The following CCSER1 variants were observed in gnomAD, a reference collection of about 807,000 sequenced individuals.
CCSER1 encodes serine-rich coiled-coil domain-containing protein 1.
Under a neutral mutation model 82.0 loss-of-function variants are expected in CCSER1, and 41 were observed. The observed-to-expected ratio is 0.50, with a 90% CI of 0.39 to 0.65. The LOEUF (loss-of-function observed/expected upper bound fraction) is 0.65, where lower values mean the gene tolerates loss of function less well. CCSER1 is among the 30% of genes least tolerant of loss of function. CCSER1 has a pLI of 0.00. For missense variants in CCSER1, 1,119 were observed against 1,064.2 expected, an observed-to-expected ratio of 1.05 and a Z score of -0.72; for synonymous variants, 414 against 383.9, an observed-to-expected ratio of 1.08 and a Z score of -0.92.
intron 5 of CCSER1, among the ~76,000 whole-genome samples, chr4:90,501,602 A>G (rs1769892293): frequency 6.6e-6 from 1 of 152,334 alleles, no homozygotes; most frequent in South Asian, 2.1e-4. Flanking sequence ...CAGTGGAAAA[A>G]TATCAGTATA....
At chr4:90,480,400 T>A (rs1204971146) in intron 5 of CCSER1, among the ~76,000 whole-genome samples, 3 of 152,214 alleles carry the variant, frequency 2.0e-5, no homozygotes, top group Non-Finnish European at 4.4e-5. Context: ...CATTTGTCAC[T>A]TTTGGCTTTT....
chr4:91,586,278 T>C (rs1763988431), intron 10 of CCSER1, among the ~76,000 whole-genome samples: 1 of 151,684 alleles, frequency 6.6e-6, no homozygotes, highest in African/African-American at 2.4e-5. Flanking sequence ...GATACACGAA[T>C]GAAAATTAAA....
intron 10 of CCSER1, among the ~76,000 whole-genome samples, chr4:91,441,077 T>A (rs1450000811): frequency 1.3e-5 from 2 of 151,886 alleles, no homozygotes; most frequent in East Asian, 3.9e-4. Context: ...CTGAAACTAT[T>A]CCAATCAATA....
Position 90,719,323 on chromosome 4 carries a change from A to G in CCSER1, c.1933-4591A>G, listed in dbSNP as rs544620772. ...TCTCCCATCCCTCCCAAGATGGGAC[A>G]TCTAGTTGCAGGAAAACAGGATCAG... On this transcript the variant is annotated intron_variant, in intron 6 of 10. Transcript: ENST00000509176. 5.2e-4 allele frequency among the ~76,000 whole-genome samples: 79 copies of G among 152,164 alleles called. 2 individuals carry two copies. The South Asian group carries it at 0.016, about 32-fold the overall frequency.
chr4:91,239,217 A>C (rs1289683533), intron 10 of CCSER1, among the ~76,000 whole-genome samples: 1 of 120,534 alleles, frequency 8.3e-6, no homozygotes, highest in Non-Finnish European at 1.7e-5. Flanking sequence ...AAGTATAAGG[A>C]AGTTAAATAA....
At chr4:90,524,627 C>T (rs1292888375) in intron 5 of CCSER1, among the ~76,000 whole-genome samples, 1 of 152,056 alleles carries the variant, frequency 6.6e-6, no homozygotes, top group South Asian at 2.1e-4. Flanking sequence ...TGCCACTACA[C>T]CCAGCTAATT....
At chr4:90,775,755 T>C (rs1044602680) in intron 7 of CCSER1, among the ~76,000 whole-genome samples, 1 of 152,222 alleles carries the variant, frequency 6.6e-6, no homozygotes, top group African/African-American at 2.4e-5. Context: ...ATATTTCATA[T>C]TCTTTGTGGA....
intron 7 of CCSER1, among the ~76,000 whole-genome samples, chr4:90,752,348 G>T (rs933026681): frequency 7.9e-5 from 12 of 152,042 alleles, no homozygotes; most frequent in African/African-American, 2.9e-4. Context: ...CTTTCTGTTT[G>T]TGTGGAATAA....
chr4:90,360,286 T>C (rs1321792714), intron 3 of CCSER1, among the ~76,000 whole-genome samples: 1 of 147,182 alleles, frequency 6.8e-6, no homozygotes, highest in Non-Finnish European at 1.5e-5. Flanking sequence ...CTCAGCCCTT[T>C]GGGAGGCCGA....
chr4:90,530,728 G>A (rs1413245652), intron 5 of CCSER1, among the ~76,000 whole-genome samples: 1 of 152,284 alleles, frequency 6.6e-6, no homozygotes, highest in Non-Finnish European at 1.5e-5. Flanking sequence ...GACAGATACA[G>A]TGCTATGTTG....
At chr4:91,582,166 T>C (rs1476049730) in intron 10 of CCSER1, among the ~76,000 whole-genome samples, 1 of 151,590 alleles carries the variant, frequency 6.6e-6, no homozygotes, top group Non-Finnish European at 1.5e-5. Flanking sequence ...TGGCAGTTAT[T>C]GGAGGTCTTG....
chr4:90,802,846 G>A (rs1212145448), intron 7 of CCSER1, among the ~76,000 whole-genome samples: 4 of 151,716 alleles, frequency 2.6e-5, no homozygotes, highest in African/African-American at 9.7e-5. Flanking sequence ...ACACATCGTT[G>A]TGTTTTCTCA....
intron 7 of CCSER1, among the ~76,000 whole-genome samples, chr4:90,772,146 CATAAG>C (rs894980436): frequency 1.3e-5 from 2 of 152,114 alleles, no homozygotes; most frequent in African/African-American, 4.8e-5. Flanking sequence ...GTAAGATATA[CATAAG>C]ATATCAAATT....
chr4:90,275,831 G>C (rs1727434280), intron 1 of CCSER1, among the ~76,000 whole-genome samples: 1 of 152,142 alleles, frequency 6.6e-6, no homozygotes, highest in Non-Finnish European at 1.5e-5. Flanking sequence ...CACTATACAA[G>C]TGATGTCAAA....
At chr4:91,326,159 G>A (rs969881684) in intron 10 of CCSER1, among the ~76,000 whole-genome samples, 1 of 152,066 alleles carries the variant, frequency 6.6e-6, no homozygotes, top group African/African-American at 2.4e-5. Flanking sequence ...ATAAAAATGA[G>A]CTCTTCTTTT....
chr4:90,558,405 T>C (rs776916766), intron 5 of CCSER1, among the ~76,000 whole-genome samples: 2 of 152,178 alleles, frequency 1.3e-5, no homozygotes, highest in Non-Finnish European at 2.9e-5. Context: ...AATATGAGGT[T>C]TACTCTTTAA....
In CCSER1 at chr4:90,613,197, T is replaced by C. The variant is rs1720577880; in HGVS notation, c.1725-14828T>C. On this transcript the variant is annotated intron_variant, in intron 5 of 10. Transcript: ENST00000509176. ...ACTTCATGAAAAAAAGAAAAAAAACTGGTTATTGGAAGGATATGAAGAGGC... is the reference window on the plus strand; with the variant it reads ...ACTTCATGAAAAAAAGAAAAAAAACCGGTTATTGGAAGGATATGAAGAGGC... Among the ~76,000 whole-genome samples the C allele has an allele frequency of 2.0e-5, 3 of 151,422 alleles. No homozygotes were observed. The South Asian group carries it at 6.2e-4, about 32-fold the overall frequency.
At position 90,708,319 on chromosome 4, in the gene CCSER1, A is replaced by T. The variant is rs576882983; in HGVS notation, c.1933-15595A>T. ...ACCTTAGCAGTAAAAAGCCAACTGT[A>T]CAACTGCTGAGCAGAACACACGTTC... is the stretch of plus-strand genomic sequence containing the variant. On this transcript the variant is annotated intron_variant, in intron 6 of 10. Transcript: ENST00000509176. 3.9e-5 allele frequency among the ~76,000 whole-genome samples: 6 copies of T among 152,312 alleles called. No individual in the cohort carries two copies. The East Asian group carries it at 1.2e-3, about 29-fold the overall frequency.
At chr4:90,912,298 A>G (rs1375131493) in intron 8 of CCSER1, among the ~76,000 whole-genome samples, 2 of 152,174 alleles carry the variant, frequency 1.3e-5, no homozygotes, top group African/African-American at 4.8e-5. Flanking sequence ...AAACTTTCAG[A>G]GGAACGATCA....
Sources: allele counts gnomAD v4.1 joint callset (sites outside exome capture counted in the v4.1 genomes callset), GRCh38; gene constraint gnomAD v4.1.1; transcripts MANE v1.5; gene names NCBI Gene and HGNC (gene_info 2026-07-23, HGNC 2026-07-21).